Variants in ROBO1 observed in about 807,000 individuals in gnomAD.
The protein encoded by ROBO1 is roundabout guidance receptor 1, also known as roundabout homolog 1.
Under a neutral mutation model 195.9 loss-of-function variants are expected in ROBO1, and 149 were observed. The observed-to-expected ratio is 0.76, with a 90% CI of 0.67 to 0.87. The LOEUF (loss-of-function observed/expected upper bound fraction) is 0.87. Ranked by LOEUF, ROBO1 falls within the 40% of genes least tolerant of loss-of-function variation. The pLI is 0.00. For missense variants in ROBO1, 1,933 were observed against 2,068.3 expected (o/e 0.93, Z 1.27); for synonymous variants, 816 against 733.2 (o/e 1.11, Z -1.82).
chr3:79,144,970 A>G (rs889539471), intron 2 of ROBO1, among the ~76,000 whole-genome samples: 3 of 152,004 alleles, frequency 2.0e-5, no homozygotes, highest in Admixed American at 2.0e-4. Context: ...ACTCTAGTGT[A>G]CAACTATAAA....
intron 2 of ROBO1, among the ~76,000 whole-genome samples, chr3:79,196,640 A>G (rs2081643032): frequency 6.6e-6 from 1 of 151,706 alleles, no homozygotes. Flanking sequence ...ACATAAATAC[A>G]TGAAGCTGAG....
At chr3:79,291,381 C>T (rs1230439411) in intron 2 of ROBO1, among the ~76,000 whole-genome samples, 4 of 150,892 alleles carry the variant, frequency 2.7e-5, no homozygotes, top group Non-Finnish European at 5.9e-5. Context: ...TTCCAGCTCC[C>T]GTGTTATTTA....
At chr3:78,958,298 T>C (rs556081939) in intron 3 of ROBO1, among the ~76,000 whole-genome samples, 1 of 152,192 alleles carries the variant, frequency 6.6e-6, no homozygotes, top group Non-Finnish European at 1.5e-5. Context: ...TAATGTACAC[T>C]AAAGTTTGGG....
chr3:79,019,468 G>T, intron 3 of ROBO1: 6 of 986,272 alleles, frequency 6.1e-6, no homozygotes, highest in Non-Finnish European at 6.0e-6. Flanking sequence ...TTGCTTGTGG[G>T]TTTCCCCCAC....
chr3:79,272,992 G>A (rs530419384), intron 2 of ROBO1, among the ~76,000 whole-genome samples: 3 of 152,140 alleles, frequency 2.0e-5, no homozygotes, highest in Non-Finnish European at 2.9e-5. Context: ...TTTAACTTTT[G>A]AAGAGTATAT....
chr3:79,374,033 T>C (rs2036295939), intron 2 of ROBO1, among the ~76,000 whole-genome samples: 1 of 152,144 alleles, frequency 6.6e-6, no homozygotes, highest in Admixed American at 6.6e-5. Flanking sequence ...AAGATTCTAT[T>C]AAAAGCAAAT....
At chr3:78,800,476 C>T (rs749836109) in intron 4 of ROBO1, among the ~76,000 whole-genome samples, 7 of 152,176 alleles carry the variant, frequency 4.6e-5, no homozygotes, top group Non-Finnish European at 8.8e-5. Context: ...AATAGGATGA[C>T]TTACCCTCAC....
intron 16 of ROBO1, 108 bp from the exon 17 acceptor site, chr3:78,659,915 ATGC>A: frequency 1.6e-6 from 1 of 615,856 alleles, no homozygotes; most frequent in Non-Finnish European, 2.3e-6. Flanking sequence ...ATATCAATAT[ATGC>A]TTTTTTTTTT....
At chr3:79,332,896 A>G (rs1052635116) in intron 2 of ROBO1, among the ~76,000 whole-genome samples, 1 of 152,220 alleles carries the variant, frequency 6.6e-6, no homozygotes, top group Non-Finnish European at 1.5e-5. Context: ...TCAGAAAATA[A>G]ATAATAAAAT....
chr3:78,740,904 T>C (rs539121669), intron 5 of ROBO1, among the ~76,000 whole-genome samples: 26 of 151,668 alleles, frequency 1.7e-4, no homozygotes, highest in Middle Eastern at 3.4e-3. Flanking sequence ...AAATATACTA[T>C]TGTTTCTGTA....
intron 1 of ROBO1, among the ~76,000 whole-genome samples, chr3:79,652,704 G>A (rs1946047280): frequency 6.6e-6 from 1 of 151,992 alleles, no homozygotes; most frequent in South Asian, 2.1e-4. Flanking sequence ...GGTGATGGCA[G>A]TAGTAGTAGT....
At chr3:79,647,757 T>G (rs996920826) in intron 1 of ROBO1, among the ~76,000 whole-genome samples, 1 of 152,090 alleles carries the variant, frequency 6.6e-6, no homozygotes, top group Admixed American at 6.6e-5. Context: ...GAGAACCTCT[T>G]GAGCTAATGA....
At chr3:79,475,630 G>A (rs960903999) in intron 2 of ROBO1, among the ~76,000 whole-genome samples, 1 of 152,040 alleles carries the variant, frequency 6.6e-6, no homozygotes, top group African/African-American at 2.4e-5. Context: ...AATGGTCAAG[G>A]TATGGTGACA....
At chr3:78,960,094 A>G (rs2041259668) in intron 3 of ROBO1, among the ~76,000 whole-genome samples, 1 of 151,996 alleles carries the variant, frequency 6.6e-6, no homozygotes, top group Non-Finnish European at 1.5e-5. Flanking sequence ...GAGGCCAGGA[A>G]TTCAAGGCTG....
intron 3 of ROBO1, among the ~76,000 whole-genome samples, chr3:79,093,539 C>T (rs1389680650): frequency 6.6e-6 from 1 of 151,978 alleles, no homozygotes; most frequent in Non-Finnish European, 1.5e-5. Context: ...TTGATTTTAT[C>T]ATTATTTAAA....
At chr3:79,343,318 A>G (rs2034983239) in intron 2 of ROBO1, among the ~76,000 whole-genome samples, 1 of 152,184 alleles carries the variant, frequency 6.6e-6, no homozygotes. Context: ...GTTTTTGTGC[A>G]ATAAAAGTTT....
chr3:79,068,128 A>G (rs2079032457), intron 3 of ROBO1, among the ~76,000 whole-genome samples: 1 of 151,952 alleles, frequency 6.6e-6, no homozygotes, highest in Non-Finnish European at 1.5e-5. Flanking sequence ...TCCCTGATAC[A>G]TTATGGGAGG....
At position 78,668,506 on chromosome 3, in the gene ROBO1, C is replaced by G; in HGVS notation, c.1608G>C (p.Trp536Cys). 1 of 1,613,870 alleles carries G rather than the reference C, an allele frequency of 6.2e-7. No homozygotes were observed. Among genetic ancestry groups the G allele is most frequent in the Non-Finnish European group, 8.5e-7 (1 of 1,179,810 alleles). The change falls in exon 12 of 31, where the codon TGG becomes TGC. Residue 536 changes from tryptophan to cysteine, a missense_variant. Physicochemically the swap from Trp to Cys is radical, Grantham distance 215 (BLOSUM62 -2). This residue lies in a region of ROBO1 where 1,737 missense variants were observed against 1,882.5 expected (regional missense o/e 0.92). Transcript: ENST00000464233. ...TACCTTGAACTTCAATGTAAGCACT[C>G]CATGTTGCTTCACCACTGGGGGTTG... The part of the protein sequence containing the change: ...IASTPSGEAT[W>C]SAYIEVQEFG...
intron 1 of ROBO1, among the ~76,000 whole-genome samples, chr3:79,612,726 C>G (rs11712349): frequency 7.3e-6 from 1 of 136,656 alleles, no homozygotes; most frequent in East Asian, 2.5e-4. Flanking sequence ...GCCATTCTAA[C>G]TGGTGTGAGA....
Sources: allele counts gnomAD v4.1 joint callset (sites outside exome capture counted in the v4.1 genomes callset), GRCh38; gene constraint gnomAD v4.1.1; regional missense constraint gnomAD v4.1.1; transcripts MANE v1.5; gene names NCBI Gene and HGNC (gene_info 2026-07-23, HGNC 2026-07-21).